Variants in CPNE8 observed in about 807,000 individuals in gnomAD.
CPNE8 encodes the protein copine-8.
Under a neutral mutation model 81.5 loss-of-function variants are expected in CPNE8, and 45 were observed. That is an observed-to-expected ratio of 0.55 (90% CI 0.44 to 0.71). The LOEUF (loss-of-function observed/expected upper bound fraction) is 0.71, where lower values mean the gene tolerates loss of function less well. Among genes scored for constraint, CPNE8 ranks in the 30% least tolerant of loss-of-function variants. The probability of loss-of-function intolerance (pLI) is 0.00; values close to 1 mark genes in which losing one functional copy is unlikely to be tolerated. For missense variants in CPNE8, 594 were observed against 672.1 expected (o/e 0.88, Z 1.28); for synonymous variants, 252 against 226.3 (o/e 1.11, Z -1.02).
At chr12:38,809,096 G>A (rs1461951201) in intron 6 of CPNE8, among the ~76,000 whole-genome samples, 2 of 152,140 alleles carry the variant, frequency 1.3e-5, no homozygotes, top group Non-Finnish European at 2.9e-5. Context: ...AGCTGCTTAT[G>A]TCAGTTTTCT....
intron 10 of CPNE8, among the ~76,000 whole-genome samples, chr12:38,745,105 G>C (rs1342520765): frequency 6.6e-6 from 1 of 152,092 alleles, no homozygotes; most frequent in African/African-American, 2.4e-5. Context: ...GTCATTACAG[G>C]CCTTCCACCA....
chr12:38,860,308 A>AT (rs1943810294), intron 3 of CPNE8, among the ~76,000 whole-genome samples: 3 of 151,530 alleles, frequency 2.0e-5, no homozygotes, highest in Non-Finnish European at 4.4e-5. Context: ...AAGATGCTCA[A>AT]CATCACTAAT....
At chr12:38,803,506 T>G (rs1414109309) in intron 6 of CPNE8, among the ~76,000 whole-genome samples, 1 of 148,700 alleles carries the variant, frequency 6.7e-6, no homozygotes, top group Admixed American at 6.7e-5. Context: ...TGGGACGTAT[T>G]TCAGAATAAT....
intron 6 of CPNE8, among the ~76,000 whole-genome samples, chr12:38,810,909 C>A (rs1942922277): frequency 6.6e-6 from 1 of 152,156 alleles, no homozygotes; most frequent in African/African-American, 2.4e-5. Context: ...CCTTCTCATT[C>A]TTTCAATCTC....
rs181083832 is a variant in CPNE8, at chr12:38,658,563, T to C, written c.1507-4493A>G. Among the ~76,000 whole-genome samples, 44 of 152,170 alleles carry C rather than the reference T, an allele frequency of 2.9e-4. No homozygotes were observed. The East Asian group carries it at 3.9e-3, about 13-fold the overall frequency. On this transcript the variant is annotated intron_variant, in intron 19 of 19. Transcript: ENST00000331366. ...AAATACAGAGAACACCAAAAGGTAC[T>C]CCTCAAGAAGAGCAACCCCAAGACA...
chr12:38,864,857 T>G (rs929704707), intron 3 of CPNE8, among the ~76,000 whole-genome samples: 2 of 152,208 alleles, frequency 1.3e-5, no homozygotes, highest in African/African-American at 2.4e-5. Context: ...ATCATATCGC[T>G]ATCTAAGATT....
intron 11 of CPNE8, among the ~76,000 whole-genome samples, chr12:38,727,725 A>T (rs986398181): frequency 5.3e-5 from 8 of 151,192 alleles, no homozygotes; most frequent in Non-Finnish European, 8.9e-5. Context: ...GGCTAACTCA[A>T]AAACCAAAAA....
chr12:38,653,789 T>C lies in CPNE8; in HGVS notation c.*93A>G, dbSNP rs537510127. 1.9e-5 allele frequency: 28 copies of C among 1,453,298 alleles called. No individual in the cohort carries two copies. The highest frequency in any genetic ancestry group is 2.4e-5 in the Non-Finnish European group (27 of 1,106,134). 90.0% of individuals were successfully genotyped at this position (1,453,298 alleles called of 1,614,324 possible). A position where few individuals can be genotyped will look rare whatever the true frequency, so the allele number is the denominator to read the frequency against. ...ACTGCTGAAACCAAACTGAGAAAAC[T>C]ATCTCATTGCCTGGTTCATTACAGA... On this transcript the variant is annotated 3_prime_UTR_variant, in exon 20 of 20. Coordinates refer to ENST00000331366, the MANE Select transcript of CPNE8 (RefSeq NM_153634.3).
chr12:38,778,903 A>C (rs1316995463), intron 6 of CPNE8, among the ~76,000 whole-genome samples: 1 of 152,186 alleles, frequency 6.6e-6, no homozygotes, highest in Non-Finnish European at 1.5e-5. Flanking sequence ...ACTCTTAACC[A>C]GGGTCATTGC....
intron 3 of CPNE8, among the ~76,000 whole-genome samples, chr12:38,870,633 G>A (rs891980651): frequency 1.3e-5 from 2 of 152,076 alleles, no homozygotes; most frequent in South Asian, 4.2e-4. Context: ...CACACACCGG[G>A]GCCTGTCGGC....
At chr12:38,711,484 T>C (rs76315255) in intron 13 of CPNE8, among the ~76,000 whole-genome samples, 3 of 141,888 alleles carry the variant, frequency 2.1e-5, no homozygotes, top group South Asian at 2.3e-4. Context: ...TTTTTTTTTT[T>C]CCAGATGGAG....
At chr12:38,725,971 G>A (rs1940686941) in intron 11 of CPNE8, among the ~76,000 whole-genome samples, 1 of 152,154 alleles carries the variant, frequency 6.6e-6, no homozygotes, top group East Asian at 1.9e-4. Flanking sequence ...ATGGTTTCGG[G>A]ATGATACTGT....
intron 8 of CPNE8, among the ~76,000 whole-genome samples, chr12:38,765,191 G>T (rs1431267563): frequency 6.6e-6 from 1 of 152,160 alleles, no homozygotes; most frequent in Non-Finnish European, 1.5e-5. Context: ...AAGAATTCCA[G>T]TGCTGGTGTA....
rs1026002817 is a variant in CPNE8 at position 38,678,896 on chromosome 12, A to G, written c.1272-1342T>C. ...AACAATTGATTCTGGACATTAAAGA[A>G]TATGTATTAATTTAGTAGTAACACA... On this transcript the variant is annotated intron_variant, in intron 16 of 19. Transcript: ENST00000331366. Among the ~76,000 whole-genome samples, 3 of 151,898 alleles carry G rather than the reference A, an allele frequency of 2.0e-5. No individual in the cohort carries two copies. The East Asian group carries it at 5.8e-4, about 29-fold the overall frequency.
At chr12:38,792,170 AAG>A (rs1253477875) in intron 6 of CPNE8, among the ~76,000 whole-genome samples, 1 of 151,442 alleles carries the variant, frequency 6.6e-6, no homozygotes. Context: ...TTATACCTCA[AAG>A]AACAAATAAA....
intron 19 of CPNE8, among the ~76,000 whole-genome samples, chr12:38,659,755 G>T (rs143438042): frequency 1.3e-5 from 2 of 152,022 alleles, no homozygotes; most frequent in Non-Finnish European, 2.9e-5. Flanking sequence ...ACTCAAAACC[G>T]CACAACTATA....
intron 10 of CPNE8, among the ~76,000 whole-genome samples, chr12:38,747,748 C>A (rs1941261697): frequency 1.3e-5 from 2 of 152,028 alleles, no homozygotes; most frequent in South Asian, 4.1e-4. Flanking sequence ...AAAGATAGTA[C>A]ATAAGAAAAA....
At chr12:38,814,783 T>C (rs1214449470) in intron 6 of CPNE8, among the ~76,000 whole-genome samples, 1 of 152,142 alleles carries the variant, frequency 6.6e-6, no homozygotes, top group Non-Finnish European at 1.5e-5. Context: ...GATTGTAAAC[T>C]ATAGTAACAC....
At chr12:38,686,677 C>T (rs914641323) in intron 15 of CPNE8, among the ~76,000 whole-genome samples, 1 of 152,102 alleles carries the variant, frequency 6.6e-6, no homozygotes, top group African/African-American at 2.4e-5. Context: ...TTGAAGATGC[C>T]GACCTGGGCT....
Sources: allele counts gnomAD v4.1 joint callset (sites outside exome capture counted in the v4.1 genomes callset), GRCh38; gene constraint gnomAD v4.1.1; transcripts MANE v1.5; gene names NCBI Gene and HGNC (gene_info 2026-07-23, HGNC 2026-07-21).